TMEM177: variants seen among roughly 807,000 people sequenced by gnomAD.
TMEM177 encodes the protein transmembrane protein 177.
A neutral mutation model predicts 14.2 loss-of-function variants in TMEM177; 4 were observed. That is an observed-to-expected ratio of 0.28 (90% CI 0.14 to 0.64). The LOEUF (loss-of-function observed/expected upper bound fraction) is 0.64, where lower values mean the gene tolerates loss of function less well. TMEM177 is among the 30% of genes least tolerant of loss of function. The pLI is 0.82. For synonymous variants in TMEM177, 179 were observed against 174.5 expected (o/e 1.03, Z -0.20); for missense variants, 344 against 405.2 (o/e 0.85, Z 1.30).
At chr2:119,696,384 G>A in the TMEM177 span, among the ~76,000 whole-genome samples, 3 of 152,160 alleles carry the variant, frequency 2.0e-5, no homozygotes, top group South Asian at 4.1e-4. Context: ...TGGTGACCAC[G>A]GTGTGGGGGC....
chr2:119,697,689 G>A, the TMEM177 span, among the ~76,000 whole-genome samples: 93 of 151,948 alleles, frequency 6.1e-4, 1 homozygote, highest in East Asian at 5.8e-4. Context: ...CTGTGCTGTC[G>A]TGGCTCCCTC....
the TMEM177 span, among the ~76,000 whole-genome samples, chr2:119,710,458 T>C: frequency 6.6e-6 from 1 of 152,168 alleles, no homozygotes; most frequent in Non-Finnish European, 1.5e-5. Flanking sequence ...CCCGCGAGTT[T>C]CGTGGGGCAG....
At chr2:119,720,957 T>A in the TMEM177 span, among the ~76,000 whole-genome samples, 1 of 152,210 alleles carries the variant, frequency 6.6e-6, no homozygotes, top group Non-Finnish European at 1.5e-5. Flanking sequence ...ATCAGTATTT[T>A]CTCCATAACC....
At position 119,681,478 on chromosome 2, in the gene TMEM177, G is replaced by A; in HGVS notation, c.625G>A (p.Ala209Thr). The A allele has an allele frequency of 6.2e-7, 1 of 1,613,492 alleles. No homozygotes were observed. Among genetic ancestry groups the A allele is most frequent in the Non-Finnish European group, 8.5e-7 (1 of 1,180,050 alleles). ...NLRAAFSLVA[A>T]VAGFVAYAFS... is the part of the protein sequence containing the mutation. ...ACGGGCTGCCTTCAGCTTGGTGGCA[G>A]CAGTGGCAGGCTTTGTGGCCTACGC... The change falls in exon 2 of 2, where the codon GCA becomes ACA. Residue 209 changes from alanine (A) to threonine (T), a missense_variant. Transcript: ENST00000272521.
At chr2:119,693,844 TCACAC>T in the TMEM177 span, among the ~76,000 whole-genome samples, 7 of 2,950 alleles carry the variant, frequency 2.4e-3, no homozygotes, top group African/African-American at 8.7e-3. Context: ...CACATACACA[TCACAC>T]CACACACATC....
downstream of TMEM177, among the ~76,000 whole-genome samples, chr2:119,682,324 A>C (rs561712294): frequency 2.0e-4 from 31 of 152,230 alleles, no homozygotes; most frequent in African/African-American, 7.0e-4. Flanking sequence ...TGTGGGAGTC[A>C]GGGCACACCT....
chr2:119,715,429 A>G, the TMEM177 span, among the ~76,000 whole-genome samples: 1 of 152,104 alleles, frequency 6.6e-6, no homozygotes, highest in Non-Finnish European at 1.5e-5. Context: ...GACAGACGGA[A>G]GATTTCTTTT....
chr2:119,679,932 A>C (rs540019150), intron 1 of TMEM177, among the ~76,000 whole-genome samples: 1 of 152,220 alleles, frequency 6.6e-6, no homozygotes, highest in Non-Finnish European at 1.5e-5. Flanking sequence ...TGGCCCAACC[A>C]GCAGAAATTT....
At chr2:119,701,614 A>G in the TMEM177 span, among the ~76,000 whole-genome samples, 2 of 152,148 alleles carry the variant, frequency 1.3e-5, no homozygotes, top group East Asian at 3.9e-4. Flanking sequence ...TCCCAGTGTA[A>G]CCGCCCAATG....
chr2:119,700,091 G>T, the TMEM177 span: 1 of 256,650 alleles, frequency 3.9e-6, no homozygotes, highest in South Asian at 6.7e-5. Context: ...CAGAAGAGGA[G>T]GTTGCCCAGA....
Position 119,681,781 on chromosome 2 carries a change from C to T in TMEM177, c.928C>T (p.Arg310Cys), listed in dbSNP as rs774184214. Residue 310 changes from arginine (R) to cysteine (C), a missense_variant, in exon 2 of 2, where the codon CGC becomes TGC. By Grantham distance (180) the Arg-to-Cys change is radical. Coordinates refer to ENST00000272521, the MANE Select transcript of TMEM177 (RefSeq NM_030577.3). ...GTGGAGGGGGATGCTCAATCCGGGC[C>T]GCTCCTGATGGGCTCATCACAAGGA... Reference protein sequence around the residue: ...QMWRGMLNPGRS With the variant: ...QMWRGMLNPGCS The T allele has an allele frequency of 1.8e-5, 29 of 1,612,158 alleles. No homozygotes were observed. Among genetic ancestry groups the T allele is most frequent in the East Asian group, 2.2e-5 (1 of 44,874 alleles).
chr2:119,685,295 G>A (rs1688994409), downstream of TMEM177, among the ~76,000 whole-genome samples: 1 of 143,698 alleles, frequency 7.0e-6, no homozygotes, highest in Admixed American at 7.5e-5. Context: ...ACAGGGAGGG[G>A]AGTCTCAGAG....
chr2:119,690,719 C>T (rs1689080388), downstream of TMEM177, among the ~76,000 whole-genome samples: 1 of 152,212 alleles, frequency 6.6e-6, no homozygotes, highest in Admixed American at 6.5e-5. Context: ...ATGAGACCTG[C>T]CAGAGTCTTA....
the TMEM177 span, among the ~76,000 whole-genome samples, chr2:119,695,063 G>A: frequency 1.3e-5 from 2 of 152,244 alleles, no homozygotes; most frequent in East Asian, 1.9e-4. Context: ...CAGCGGATAC[G>A]GCAAAGCCCT....
downstream of TMEM177, among the ~76,000 whole-genome samples, chr2:119,683,202 G>A (rs1688947488): frequency 2.6e-5 from 4 of 152,204 alleles, no homozygotes; most frequent in African/African-American, 9.7e-5. Context: ...CTGGAGCTCA[G>A]TGTGCTGGGC....
chr2:119,705,990 A>ATATATTATATATTATATAT, the TMEM177 span, among the ~76,000 whole-genome samples: 1,005 of 14,546 alleles, frequency 0.069, 13 homozygotes, highest in African/African-American at 0.11. Context: ...CTCTCTATAT[A>ATATATTATATATTATATAT]TATATATTAT....
At chr2:119,702,908 AG>A in the TMEM177 span, among the ~76,000 whole-genome samples, 1 of 152,206 alleles carries the variant, frequency 6.6e-6, no homozygotes, top group African/African-American at 2.4e-5. Context: ...GGAACTTCTC[AG>A]GGGGCTGGTA....
At chr2:119,680,734 T>G in intron 1 of TMEM177, 98 bp from the exon 2 acceptor site, 1 of 880,522 alleles carries the variant, frequency 1.1e-6, no homozygotes, top group Non-Finnish European at 1.7e-6. Context: ...CACTATGCTG[T>G]GTTACTTTGG....
chr2:119,706,056 G>C, the TMEM177 span, among the ~76,000 whole-genome samples: 1 of 75,794 alleles, frequency 1.3e-5, no homozygotes, highest in South Asian at 4.4e-4. Context: ...GCAGAGTCTC[G>C]CTCTGTCACC....
Sources: gnomAD v4.1 joint callset for allele counts (sites outside exome capture counted in the v4.1 genomes callset) on GRCh38, gnomAD v4.1.1 for gene constraint, MANE v1.5 for transcripts, NCBI Gene and HGNC (gene_info 2026-07-23, HGNC 2026-07-21) for gene names.